SSUH2: variants seen among roughly 807,000 people sequenced by gnomAD.
SSUH2 encodes protein SSUH2 homolog.
SSUH2 carries 47 observed loss-of-function variants against 55.3 expected under a neutral mutation model. The ratio of observed to expected loss-of-function variants is 0.85; its 90% CI spans 0.67 to 1.08. The LOEUF (loss-of-function observed/expected upper bound fraction) is 1.08, where lower values mean the gene tolerates loss of function less well. Ranked by LOEUF, SSUH2 falls within the 50% of genes least tolerant of loss-of-function variation. The probability of loss-of-function intolerance (pLI) is 0.00; values close to 1 mark genes in which losing one functional copy is unlikely to be tolerated. For missense variants in SSUH2, 535 were observed against 490.7 expected (o/e 1.09, Z -0.85); for synonymous variants, 212 against 191.5 (o/e 1.11, Z -0.89).
intron 1 of SSUH2, among the ~76,000 whole-genome samples, chr3:8,636,878 G>A (rs886854626): frequency 1.3e-5 from 2 of 152,162 alleles, no homozygotes; most frequent in African/African-American, 2.4e-5. Context: ...GGCTCAGAAA[G>A]GTTGTGACTT....
intron 5 of SSUH2, among the ~76,000 whole-genome samples, chr3:8,668,496 T>C (rs566623845): frequency 1.3e-5 from 2 of 152,350 alleles, no homozygotes; most frequent in South Asian, 2.1e-4. Flanking sequence ...ATTTCTCTTT[T>C]TTTTCCTCAT....
At chr3:8,671,586 G>A (rs912417671) in intron 4 of SSUH2, among the ~76,000 whole-genome samples, 42 of 77,756 alleles carry the variant, frequency 5.4e-4, no homozygotes, top group Non-Finnish European at 6.0e-4. Flanking sequence ...TTAATGTCCC[G>A]CTAGGATATA....
Position 8,630,852 on chromosome 3 carries a change from G to C in SSUH2, c.478C>G (p.Gln160Glu). The change falls in exon 6 of 12, where the codon CAG becomes GAG. Residue 160 changes from glutamine to glutamate, a missense_variant. Gln to Glu is a conservative substitution (Grantham distance 29). Transcript: ENST00000544814. Reference protein sequence around the residue: ...DIKVQGPPMFQEDTRKFQVPH... With the variant: ...DIKVQGPPMFEEDTRKFQVPH... ...ACCTGGAACTTCCTGGTGTCTTCCT[G>C]AAACATCGGAGGACCTTGAACCTTG... is the stretch of plus-strand genomic sequence containing the variant. 1 of 1,507,718 alleles carries C rather than the reference G, an allele frequency of 6.6e-7. No homozygotes were observed. Among genetic ancestry groups the C allele is most frequent in the South Asian group, 1.4e-5 (1 of 73,614 alleles). 93.4% of individuals were successfully genotyped at this position (1,507,718 alleles called of 1,614,324 possible).
intron 2 of SSUH2, among the ~76,000 whole-genome samples, chr3:8,679,046 C>T (rs79892532): frequency 2.0e-5 from 2 of 98,888 alleles, no homozygotes; most frequent in Non-Finnish European, 4.6e-5. Context: ...GGACACCAAA[C>T]GCAGGGGAGG....
chr3:8,632,696 G>A (rs980304542), intron 4 of SSUH2, among the ~76,000 whole-genome samples: 14 of 152,222 alleles, frequency 9.2e-5, no homozygotes, highest in South Asian at 2.1e-4. Context: ...AGGGTGGCTG[G>A]ATGAGCAGCA....
At chr3:8,644,476 G>C (rs1319682636) in intron 1 of SSUH2, among the ~76,000 whole-genome samples, 2 of 152,196 alleles carry the variant, frequency 1.3e-5, no homozygotes, top group East Asian at 1.9e-4. Flanking sequence ...CGGAAGAAGA[G>C]ATCGCAAGCT....
At chr3:8,643,467 A>T (rs1701199489) in intron 1 of SSUH2, among the ~76,000 whole-genome samples, 2 of 152,364 alleles carry the variant, frequency 1.3e-5, no homozygotes, top group African/African-American at 4.8e-5. Flanking sequence ...GTATGGATAT[A>T]CAATTTCCAA....
upstream of SSUH2, among the ~76,000 whole-genome samples, chr3:8,647,706 T>A (rs1194539918): frequency 6.6e-6 from 1 of 152,114 alleles, no homozygotes; most frequent in African/African-American, 2.4e-5. Flanking sequence ...TCCCTGCACA[T>A]CCACCAGGAA....
chr3:8,657,440 C>T lies in SSUH2; in HGVS notation c.-307+1485G>A, dbSNP rs9810971. Among the ~76,000 whole-genome samples, 706 of 152,138 alleles carry T rather than the reference C, an allele frequency of 4.6e-3. 5 individuals are homozygous for T. The highest frequency in any genetic ancestry group is 0.015 in the African/African-American group (620 of 41,506). ...CAAGCAGCTTTCAACCCAGGTGGGA[C>T]GGCATGACATGGACACGTGGAAGTT... On this transcript the variant is annotated intron_variant, in intron 7 of 18. Transcript: ENST00000317371.
Position 8,678,942 on chromosome 3 carries a change from CCT to C in SSUH2, c.-901+761_-901+762del, listed in dbSNP as rs1241853887. Among the ~76,000 whole-genome samples the C allele has an allele frequency of 5.4e-4, 62 of 114,738 alleles. 2 individuals carry two copies. Among genetic ancestry groups the C allele is most frequent in the Non-Finnish European group, 8.9e-4 (44 of 49,262 alleles). 75.3% of individuals were successfully genotyped at this position (114,738 alleles called of 152,430 possible). A position where few individuals can be genotyped will look rare whatever the true frequency, so the allele number is the denominator to read the frequency against. On this transcript the variant is annotated intron_variant, in intron 2 of 18. Coordinates refer to the SSUH2 transcript ENST00000317371. ...GGGACTGAGAGCCAGCCACTCTTCC[CCT>C]CCTGGCTCTTGGGACGCCCATCGCA...
chr3:8,619,956 G>A lies in SSUH2; in HGVS notation c.1040C>T (p.Thr347Ile), dbSNP rs1346562518. The A allele has an allele frequency of 1.2e-6, 2 of 1,614,196 alleles. No homozygotes were observed. Among genetic ancestry groups the A allele is most frequent in the South Asian group, 1.1e-5 (1 of 91,082 alleles). The change falls in exon 12 of 12, where the codon ACT (threonine) becomes ATT (isoleucine). Residue 347 changes from threonine (T) to isoleucine (I), a missense_variant. By Grantham distance (89) the Thr-to-Ile change is moderately conservative. Transcript: ENST00000544814. ...AGTGCCATAGATGTAGTAGACATAA[G>A]TCTTTCCTTGGTACCAATAGTGAAC... ...TEVHYWYQGKTYVYYIYGTDH... is the reference protein window; with the variant it reads ...TEVHYWYQGKIYVYYIYGTDH...
At chr3:8,633,536 T>C in intron 4 of SSUH2, 130 bp downstream of exon 4, 1 of 644,956 alleles carries the variant, frequency 1.6e-6, no homozygotes, top group Non-Finnish European at 2.4e-6. Context: ...TCACCACCGC[T>C]CACACTCAAA....
At chr3:8,632,929 C>T (rs952187367) in intron 4 of SSUH2, among the ~76,000 whole-genome samples, 3 of 152,170 alleles carry the variant, frequency 2.0e-5, no homozygotes, top group Non-Finnish European at 4.4e-5. Flanking sequence ...TTTGAGGCTA[C>T]CAAATCTGAG....
At chr3:8,680,193 T>C (rs1705855917) in intron 1 of SSUH2, among the ~76,000 whole-genome samples, 1 of 152,190 alleles carries the variant, frequency 6.6e-6, no homozygotes, top group Non-Finnish European at 1.5e-5. Context: ...TTCTAAAGGA[T>C]GGCCCCCCGT....
At chr3:8,622,377 C>G (rs1696628806) in intron 11 of SSUH2, among the ~76,000 whole-genome samples, 1 of 152,184 alleles carries the variant, frequency 6.6e-6, no homozygotes, top group East Asian at 1.9e-4. Flanking sequence ...AGTTCTAGTC[C>G]TGGACCTGCC....
chr3:8,679,409 C>T (rs544572868), intron 2 of SSUH2, among the ~76,000 whole-genome samples: 2 of 134,378 alleles, frequency 1.5e-5, no homozygotes, highest in Admixed American at 7.3e-5. Context: ...GAGCCAGCCC[C>T]TCTTCCCCCC....
At chr3:8,632,028 A>G in intron 5 of SSUH2, 21 bp downstream of exon 5, 2 of 1,607,550 alleles carry the variant, frequency 1.2e-6, no homozygotes, top group Non-Finnish European at 1.7e-6. Flanking sequence ...CAGTTAAACT[A>G]ATTTCAGACA....
chr3:8,629,292 C>T (rs1466706), intron 7 of SSUH2: 2 of 253,032 alleles, frequency 7.9e-6, no homozygotes, highest in African/African-American at 2.2e-5. Flanking sequence ...CTGCCCTGCA[C>T]GACAAATGGA....
chr3:8,681,425 G>A (rs945475992), intron 1 of SSUH2, among the ~76,000 whole-genome samples: 2 of 149,912 alleles, frequency 1.3e-5, no homozygotes, highest in East Asian at 2.0e-4. Context: ...GGCGAGCCCG[G>A]GACTGAGAGC....
Sources: gnomAD v4.1 joint callset for allele counts (sites outside exome capture counted in the v4.1 genomes callset) on GRCh38, gnomAD v4.1.1 for gene constraint, MANE v1.5 for transcripts, NCBI Gene and HGNC (gene_info 2026-07-23, HGNC 2026-07-21) for gene names.